ZBTB7C: variants seen among roughly 807,000 people sequenced by gnomAD.
The protein encoded by ZBTB7C is zinc finger and BTB domain containing 7C, also known as zinc finger and BTB domain-containing protein 7C.
A neutral mutation model predicts 25.7 loss-of-function variants in ZBTB7C; 8 were observed. The ratio of observed to expected loss-of-function variants is 0.31; its 90% CI spans 0.18 to 0.56. The LOEUF is 0.56. Ranked by LOEUF, ZBTB7C falls within the 20% of genes least tolerant of loss-of-function variation. The pLI is 0.91. For synonymous variants in ZBTB7C, 394 were observed against 369.0 expected, an observed-to-expected ratio of 1.07 and a Z score of -0.78; for missense variants, 824 against 855.2, an observed-to-expected ratio of 0.96 and a Z score of 0.46.
At chr18:48,245,867 T>G (rs528663820) in intron 2 of ZBTB7C, among the ~76,000 whole-genome samples, 4 of 152,178 alleles carry the variant, frequency 2.6e-5, no homozygotes, top group Non-Finnish European at 5.9e-5. Flanking sequence ...AGGAAGGTAT[T>G]TATCCAATTA....
chr18:48,170,833 A>ACC (rs151071294), intron 3 of ZBTB7C, among the ~76,000 whole-genome samples: 1 of 151,186 alleles, frequency 6.6e-6, no homozygotes, highest in African/African-American at 2.4e-5. Context: ...ATGACCGAGA[A>ACC]CCCCCCGCCC....
At chr18:48,250,116 A>G (rs1226649403) in intron 2 of ZBTB7C, among the ~76,000 whole-genome samples, 2 of 152,252 alleles carry the variant, frequency 1.3e-5, no homozygotes, top group East Asian at 1.9e-4. Context: ...CACAAGCCCA[A>G]ATGGATTTCC....
At chr18:48,071,433 T>A (rs1290941500) in intron 3 of ZBTB7C, among the ~76,000 whole-genome samples, 1 of 152,166 alleles carries the variant, frequency 6.6e-6, no homozygotes, top group Non-Finnish European at 1.5e-5. Context: ...AAGTCAAAAC[T>A]ACAATGAAAT....
Position 48,330,247 on chromosome 18 carries a change from C to G in ZBTB7C, c.-79+7927G>C, listed in dbSNP as rs74935101. Among the ~76,000 whole-genome samples, 260 of 152,260 alleles carry G rather than the reference C, an allele frequency of 1.7e-3. 1 individual carries two copies. The highest frequency in any genetic ancestry group is 3.3e-3 in the Non-Finnish European group (222 of 68,022). On this transcript the variant is annotated intron_variant, in intron 2 of 4. Transcript: ENST00000590800. ...TGGCCCAGAGCAGGGCACCTGGGCA[C>G]GGAATGTACCTTGTTGAGGTCTCCA...
At chr18:48,091,135 G>A (rs991599988) in intron 3 of ZBTB7C, among the ~76,000 whole-genome samples, 4 of 150,654 alleles carry the variant, frequency 2.7e-5, no homozygotes, top group African/African-American at 7.3e-5. Flanking sequence ...GTACAGTGGT[G>A]TGATCATAGC....
chr18:48,204,642 T>C (rs773999604), intron 2 of ZBTB7C, among the ~76,000 whole-genome samples: 24 of 152,136 alleles, frequency 1.6e-4, no homozygotes, highest in South Asian at 8.3e-4. Context: ...ACCATGCCTC[T>C]TGAGGACCAA....
In ZBTB7C at chr18:48,026,796, A is replaced by G. The variant is rs1223783263; in HGVS notation, c.*2464T>C. ...CATTATTTTAAGTTTATGACACCCA[A>G]CAATTAAAAACCTTAAGACTGGCTT... On this transcript the variant is annotated 3_prime_UTR_variant, in exon 5 of 5. Coordinates refer to ENST00000590800, the MANE Select transcript of ZBTB7C (RefSeq NM_001318841.2). 1 of 151,700 alleles carries G rather than the reference A, an allele frequency of 6.6e-6. No individual in the cohort carries two copies. 9.4% of individuals were successfully genotyped at this position (151,700 alleles called of 1,614,324 possible).
chr18:48,332,696 T>C (rs1265708917), intron 2 of ZBTB7C, among the ~76,000 whole-genome samples: 1 of 124,454 alleles, frequency 8.0e-6, no homozygotes, highest in Non-Finnish European at 1.7e-5. Context: ...TTTTTTTTTT[T>C]TTAAGAAAAG....
intron 3 of ZBTB7C, among the ~76,000 whole-genome samples, chr18:48,094,410 G>A (rs771284162): frequency 2.0e-5 from 3 of 152,226 alleles, no homozygotes; most frequent in Non-Finnish European, 4.4e-5. Context: ...CTTAGGGAAA[G>A]TAACTGCACC....
intron 2 of ZBTB7C, among the ~76,000 whole-genome samples, chr18:48,254,575 C>T (rs971373265): frequency 6.6e-6 from 1 of 152,196 alleles, no homozygotes; most frequent in African/African-American, 2.4e-5. Context: ...AAACTTTCCG[C>T]TCCTTACCCC....
intron 3 of ZBTB7C, chr18:48,087,847 T>TGGGG (rs11356067): frequency 3.4e-5 from 2 of 58,992 alleles, no homozygotes; most frequent in African/African-American, 1.7e-4. Context: ...TAAAAGTGGG[T>TGGGG]GGGGGGGGGG....
At chr18:48,411,056 T>A (rs368520460), upstream of ZBTB7C, among the ~76,000 whole-genome samples, 45 of 151,630 alleles carry the variant, frequency 3.0e-4, no homozygotes, top group Admixed American at 5.2e-4. Context: ...GATTTTTTTT[T>A]AAACCATTTC....
chr18:48,287,608 G>C (rs533222386), intron 2 of ZBTB7C, among the ~76,000 whole-genome samples: 1 of 152,040 alleles, frequency 6.6e-6, no homozygotes, highest in Non-Finnish European at 1.5e-5. Flanking sequence ...GAAGTCTCAA[G>C]AAGGAAAATT....
chr18:48,350,209 C>T lies in ZBTB7C; in HGVS notation c.-303-11811G>A, dbSNP rs541232256. On this transcript the variant is annotated intron_variant, in intron 1 of 4. Coordinates refer to ENST00000590800, the MANE Select transcript of ZBTB7C (RefSeq NM_001318841.2). ...AGGTTGAAGTCTGACAAGGGTCTCA[C>T]TGGGCTAAAATCAAGGTGTCAGCTT... Among the ~76,000 whole-genome samples, 193 of 152,312 alleles carry T rather than the reference C, an allele frequency of 1.3e-3. 1 individual carries two copies. The highest frequency in any genetic ancestry group is 5.7e-4 in the Non-Finnish European group (39 of 68,014).
chr18:48,279,323 T>C (rs2144623582), intron 2 of ZBTB7C, among the ~76,000 whole-genome samples: 1 of 152,276 alleles, frequency 6.6e-6, no homozygotes, highest in East Asian at 1.9e-4. Flanking sequence ...CCAGGTTCCC[T>C]GCCTCCCTGC....
intron 3 of ZBTB7C, among the ~76,000 whole-genome samples, chr18:48,058,922 G>A (rs907398402): frequency 6.6e-6 from 1 of 152,188 alleles, no homozygotes; most frequent in Non-Finnish European, 1.5e-5. Context: ...AGTGATGTGA[G>A]TGAGCCAGCT....
intron 3 of ZBTB7C, among the ~76,000 whole-genome samples, chr18:48,095,776 G>A (rs2038601972): frequency 6.6e-6 from 1 of 151,828 alleles, no homozygotes; most frequent in Admixed American, 6.6e-5. Flanking sequence ...ATGGATGAAT[G>A]ACGGTCTTGT....
At chr18:48,176,616 C>CTTGTGTGTGTGTGT (rs146025748) in intron 3 of ZBTB7C, among the ~76,000 whole-genome samples, 1 of 149,642 alleles carries the variant, frequency 6.7e-6, no homozygotes, top group African/African-American at 2.5e-5. Context: ...AGGAAATACA[C>CTTGTGTGTGTGTGT]GTGTGTGTGT....
intron 2 of ZBTB7C, among the ~76,000 whole-genome samples, chr18:48,332,329 G>A (rs1396960098): frequency 6.6e-6 from 1 of 152,224 alleles, no homozygotes; most frequent in African/African-American, 2.4e-5. Flanking sequence ...GGTAGTTAGA[G>A]CTATCACTTT....
Sources: gnomAD v4.1 joint callset for allele counts (sites outside exome capture counted in the v4.1 genomes callset) on GRCh38, gnomAD v4.1.1 for gene constraint, MANE v1.5 for transcripts, NCBI Gene and HGNC (gene_info 2026-07-23, HGNC 2026-07-21) for gene names.